Variants in CSMD3 observed in about 807,000 individuals in gnomAD.
The protein encoded by CSMD3 is CUB and Sushi multiple domains 3, also known as CUB and sushi domain-containing protein 3.
CSMD3 carries 177 observed loss-of-function variants against 435.2 expected under a neutral mutation model. The ratio of observed to expected loss-of-function variants is 0.41; its 90% CI spans 0.36 to 0.46. The LOEUF is 0.46. Among genes scored for constraint, CSMD3 ranks in the 20% least tolerant of loss-of-function variants. CSMD3 has a pLI of 0.34. For missense variants in CSMD3, 4,265 were observed against 4,504.6 expected, an observed-to-expected ratio of 0.95 and a Z score of 1.52; for synonymous variants, 1,656 against 1,520.5, an observed-to-expected ratio of 1.09 and a Z score of -2.07.
At chr8:112,459,381 T>C (rs1669462818) in intron 32 of CSMD3, among the ~76,000 whole-genome samples, 1 of 150,884 alleles carries the variant, frequency 6.6e-6, no homozygotes, top group Non-Finnish European at 1.5e-5. Context: ...TTTATTCAAT[T>C]ATGTTTACAA....
chr8:112,383,597 T>C lies in CSMD3; in HGVS notation c.6001A>G (p.Asn2001Asp), dbSNP rs1829673732. The change falls in exon 37 of 71, where the codon AAC becomes GAC. Residue 2001 changes from asparagine (N) to aspartate (D), a missense_variant. Around this residue, in one of 3 missense-constraint regions of CSMD3, gnomAD observed 3,255 missense variants for 3,380.2 expected, o/e 0.96. Coordinates refer to ENST00000297405, the MANE Select transcript of CSMD3 (RefSeq NM_198123.2). ...DSLDFYDGGD[N>D]NAPRLGSYSG... ...TAGCTTCCAAGTCTTGGAGCATTGT[T>C]GTCTCCCCCATCATAAAAGTCCAGA... 1 of 1,603,140 alleles carries C rather than the reference T, an allele frequency of 6.2e-7. No individual in the cohort carries two copies. The highest frequency in any genetic ancestry group is 8.5e-7 in the Non-Finnish European group (1 of 1,170,186).
intron 61 of CSMD3, among the ~76,000 whole-genome samples, chr8:112,262,972 C>T (rs1816570722): frequency 6.6e-6 from 1 of 152,170 alleles, no homozygotes; most frequent in East Asian, 1.9e-4. Context: ...GGAAAAAGAA[C>T]TAGGAACAGG....
intron 4 of CSMD3, among the ~76,000 whole-genome samples, chr8:113,134,358 G>C (rs1289705032): frequency 6.6e-6 from 1 of 151,964 alleles, no homozygotes; most frequent in Non-Finnish European, 1.5e-5. Context: ...AGTGCTCTAT[G>C]ATGACCCAAT....
intron 10 of CSMD3, among the ~76,000 whole-genome samples, chr8:112,902,843 C>T (rs1021299447): frequency 1.3e-5 from 2 of 151,236 alleles, no homozygotes; most frequent in Non-Finnish European, 3.0e-5. Context: ...CCTCTATGTT[C>T]TCTACCATGC....
At chr8:112,792,728 T>C (rs900764550) in intron 13 of CSMD3, among the ~76,000 whole-genome samples, 2 of 152,170 alleles carry the variant, frequency 1.3e-5, no homozygotes, top group Non-Finnish European at 2.9e-5. Context: ...GTATATTGCA[T>C]GAGTTAACAG....
chr8:112,954,230 C>G lies in CSMD3; in HGVS notation c.1420+454G>C, dbSNP rs111305616. Among the ~76,000 whole-genome samples, 1,009 of 151,452 alleles carry G rather than the reference C, an allele frequency of 6.7e-3. 12 individuals carry two copies. The highest frequency in any genetic ancestry group is 0.023 in the African/African-American group (967 of 41,458). On this transcript the variant is annotated intron_variant, in intron 8 of 70. Transcript: ENST00000297405. ...TGATTTCATAGGTTTATCTAAATTA[C>G]CTCAAATTAAGACTTGTTTTTTCTG...
chr8:112,386,914 T>A (rs1400455167), intron 36 of CSMD3, among the ~76,000 whole-genome samples: 1 of 152,234 alleles, frequency 6.6e-6, no homozygotes, highest in East Asian at 1.9e-4. Context: ...TTTCCAATCA[T>A]TAAAACTAGG....
At chr8:113,344,471 G>A (rs964809653) in intron 1 of CSMD3, among the ~76,000 whole-genome samples, 1 of 152,178 alleles carries the variant, frequency 6.6e-6, no homozygotes, top group Non-Finnish European at 1.5e-5. Flanking sequence ...CAGAATTGGA[G>A]ATGCAGGTTT....
chr8:113,105,396 T>A (rs572794775), intron 4 of CSMD3, among the ~76,000 whole-genome samples: 1 of 152,194 alleles, frequency 6.6e-6, no homozygotes, highest in Non-Finnish European at 1.5e-5. Context: ...TCAGGAAGCA[T>A]GAGCAATGGA....
intron 1 of CSMD3, among the ~76,000 whole-genome samples, chr8:113,413,333 A>G (rs1330629832): frequency 1.3e-5 from 2 of 152,130 alleles, no homozygotes; most frequent in Admixed American, 6.6e-5. Flanking sequence ...CATTCTATAC[A>G]AATAACTTGA....
At chr8:113,078,906 A>G (rs1248637803) in intron 5 of CSMD3, among the ~76,000 whole-genome samples, 1 of 152,290 alleles carries the variant, frequency 6.6e-6, no homozygotes, top group Non-Finnish European at 1.5e-5. Flanking sequence ...CCTGGAGCAA[A>G]GTATACTGGG....
At chr8:112,572,306 A>C (rs1310035620) in intron 24 of CSMD3, among the ~76,000 whole-genome samples, 2 of 152,118 alleles carry the variant, frequency 1.3e-5, no homozygotes, top group Non-Finnish European at 2.9e-5. Flanking sequence ...TCATTTTGTT[A>C]ATTTATGTTT....
At chr8:112,967,611 T>G (rs1409626545) in intron 7 of CSMD3, among the ~76,000 whole-genome samples, 1 of 151,916 alleles carries the variant, frequency 6.6e-6, no homozygotes, top group East Asian at 1.9e-4. Flanking sequence ...CAGAGTCCTT[T>G]CCTTACCATC....
chr8:112,424,688 C>CTTAT (rs541319735), intron 32 of CSMD3, among the ~76,000 whole-genome samples: 180 of 151,652 alleles, frequency 1.2e-3, no homozygotes, highest in African/African-American at 3.0e-3. Context: ...ATTTTACTTA[C>CTTAT]TTATTTATTT....
chr8:113,154,107 G>A (rs753147940), intron 4 of CSMD3, among the ~76,000 whole-genome samples: 64 of 151,886 alleles, frequency 4.2e-4, no homozygotes, highest in East Asian at 3.9e-4. Context: ...GTGTTTTCAC[G>A]TAATTTAAAA....
At chr8:112,598,781 T>G (rs1243354250) in intron 22 of CSMD3, among the ~76,000 whole-genome samples, 1 of 152,094 alleles carries the variant, frequency 6.6e-6, no homozygotes, top group Non-Finnish European at 1.5e-5. Flanking sequence ...GGATTCCCTA[T>G]TTAATAAATG....
At chr8:112,727,401 T>C (rs2076988386) in intron 13 of CSMD3, among the ~76,000 whole-genome samples, 1 of 151,856 alleles carries the variant, frequency 6.6e-6, no homozygotes, top group African/African-American at 2.4e-5. Context: ...CTTCTATGGC[T>C]CCTTTCCAAC....
At chr8:113,041,049 C>CA (rs1250906832) in intron 5 of CSMD3, among the ~76,000 whole-genome samples, 2 of 151,624 alleles carry the variant, frequency 1.3e-5, no homozygotes, top group African/African-American at 4.8e-5. Context: ...ACTAAAAATA[C>CA]AAAAAAATTG....
chr8:113,122,299 C>A (rs138485084), intron 4 of CSMD3, among the ~76,000 whole-genome samples: 333 of 152,012 alleles, frequency 2.2e-3, no homozygotes, highest in African/African-American at 7.7e-3. Flanking sequence ...TAAACGTGCC[C>A]CAATTACACT....
Sources: allele counts gnomAD v4.1 joint callset (sites outside exome capture counted in the v4.1 genomes callset), GRCh38; gene constraint gnomAD v4.1.1; regional missense constraint gnomAD v4.1.1; transcripts MANE v1.5; gene names NCBI Gene and HGNC (gene_info 2026-07-23, HGNC 2026-07-21).